The following MAP4K5 variants were observed in gnomAD, a reference collection of about 807,000 sequenced individuals.
The protein encoded by MAP4K5 is mitogen-activated protein kinase kinase kinase kinase 5.
Under a neutral mutation model 135.6 loss-of-function variants are expected in MAP4K5, and 82 were observed. The ratio of observed to expected loss-of-function variants is 0.60; its 90% CI spans 0.51 to 0.73. MAP4K5 has a LOEUF of 0.73. Ranked by LOEUF, MAP4K5 falls within the 30% of genes least tolerant of loss-of-function variation. The pLI is 0.00. For missense variants in MAP4K5, 907 were observed against 1,010.9 expected (o/e 0.90, Z 1.39); for synonymous variants, 347 against 335.0 (o/e 1.04, Z -0.39).
chr14:50,531,481 A>T (rs11846136), intron 2 of MAP4K5, among the ~76,000 whole-genome samples: 129,406 of 152,206 alleles, frequency 0.85, 56,618 homozygotes, highest in Non-Finnish European at 0.94. Flanking sequence ...GCTTACAGTT[A>T]AAGCTCAGAG....
rs1595455535 is a variant in MAP4K5, at chr14:50,452,228, G to A, written c.1016-3396C>T. On this transcript the variant is annotated intron_variant, in intron 14 of 32. Transcript: ENST00000682126. ...AGGATGTAACCCCATCATAAATCGG[G>A]GAGCATCTGTACCTCTCACTCAAAA... Among the ~76,000 whole-genome samples, 3 of 152,056 alleles carry A rather than the reference G, an allele frequency of 2.0e-5. No homozygotes were observed. The East Asian group carries it at 5.8e-4, about 29-fold the overall frequency.
At chr14:50,462,241 G>A (rs2036727400) in intron 13 of MAP4K5, among the ~76,000 whole-genome samples, 1 of 152,178 alleles carries the variant, frequency 6.6e-6, no homozygotes, top group Non-Finnish European at 1.5e-5. Context: ...CTTGGAAACA[G>A]ATGTTCTTTA....
At chr14:50,529,369 A>G (rs1165176995) in intron 2 of MAP4K5, among the ~76,000 whole-genome samples, 1 of 152,200 alleles carries the variant, frequency 6.6e-6, no homozygotes, top group African/African-American at 2.4e-5. Context: ...CCTGGGGGAC[A>G]GAGCGACATC....
chr14:50,514,499 G>A (rs12050306), intron 2 of MAP4K5, among the ~76,000 whole-genome samples: 7,445 of 152,250 alleles, frequency 0.049, 276 homozygotes, highest in Admixed American at 0.13. Context: ...CCTGTCTTCC[G>A]AAAACTTTTA....
At chr14:50,481,298 A>C (rs1319234126) in intron 6 of MAP4K5, among the ~76,000 whole-genome samples, 8 of 149,752 alleles carry the variant, frequency 5.3e-5, no homozygotes, top group East Asian at 1.9e-4. Context: ...ATCTCTATAT[A>C]TATATATAAA....
rs545968906 is a variant in MAP4K5 at position 50,490,647 on chromosome 14, AT to A, written c.167-4454del. On this transcript the variant is annotated intron_variant, in intron 3 of 32. Coordinates refer to ENST00000682126, the MANE Select transcript of MAP4K5 (RefSeq NM_006575.6). ...AGGCACACTGCAACTCTAAACTACA[AT>A]TTTTAACTGGAGTGGGCAGCCAACC... 3.3e-5 allele frequency among the ~76,000 whole-genome samples: 5 copies of A among 152,230 alleles called. No homozygotes were observed. In the South Asian group the frequency reaches 1.0e-3, roughly 32 times the overall value.
intron 20 of MAP4K5, among the ~76,000 whole-genome samples, chr14:50,443,409 A>C (rs1383888773): frequency 1.3e-5 from 2 of 152,128 alleles, no homozygotes; most frequent in Non-Finnish European, 2.9e-5. Context: ...CCAATGTGAA[A>C]ATCACTTTAG....
intron 13 of MAP4K5, among the ~76,000 whole-genome samples, chr14:50,461,953 TATA>T (rs1197350677): frequency 6.6e-6 from 1 of 151,926 alleles, no homozygotes; most frequent in African/African-American, 2.4e-5. Context: ...AAAATAATTC[TATA>T]ATGTTTTCAG....
chr14:50,487,504 A>G (rs1000546714), intron 3 of MAP4K5, among the ~76,000 whole-genome samples: 2 of 152,198 alleles, frequency 1.3e-5, no homozygotes, highest in Non-Finnish European at 2.9e-5. Context: ...AACTGAATGA[A>G]CGTCTGAGAG....
At chr14:50,493,876 T>A (rs1000118356) in intron 3 of MAP4K5, among the ~76,000 whole-genome samples, 3 of 151,668 alleles carry the variant, frequency 2.0e-5, no homozygotes, top group East Asian at 3.9e-4. Flanking sequence ...TACTCCCAGC[T>A]GCTTGGGAGG....
intron 13 of MAP4K5, among the ~76,000 whole-genome samples, chr14:50,457,148 T>G (rs1158986471): frequency 6.6e-6 from 1 of 152,032 alleles, no homozygotes; most frequent in African/African-American, 2.4e-5. Context: ...CAGTGAAGAT[T>G]AGGTGATGAG....
At chr14:50,547,001 C>T (rs1343894149) in intron 1 of MAP4K5, among the ~76,000 whole-genome samples, 1 of 152,096 alleles carries the variant, frequency 6.6e-6, no homozygotes, top group African/African-American at 2.4e-5. Flanking sequence ...CCCCACCCCC[C>T]AACAGGCCCT....
At chr14:50,442,963 A>T in intron 20 of MAP4K5, 147 bp from the exon 21 acceptor site, 2 of 562,990 alleles carry the variant, frequency 3.6e-6, no homozygotes, top group South Asian at 2.6e-5. Context: ...ATATTTTCAC[A>T]TCATTAAACC....
chr14:50,537,461 T>C (rs1182751721), upstream of MAP4K5, among the ~76,000 whole-genome samples: 1 of 152,210 alleles, frequency 6.6e-6, no homozygotes, highest in Non-Finnish European at 1.5e-5. Flanking sequence ...GAGTTCCTAC[T>C]GAGGTACTGC....
intron 3 of MAP4K5, among the ~76,000 whole-genome samples, chr14:50,497,539 T>C (rs2037620368): frequency 6.6e-6 from 1 of 152,200 alleles, no homozygotes; most frequent in African/African-American, 2.4e-5. Flanking sequence ...CAGCCTACCC[T>C]GGGATTTCTT....
At chr14:50,481,501 A>C (rs778319697) in intron 6 of MAP4K5, among the ~76,000 whole-genome samples, 7 of 152,120 alleles carry the variant, frequency 4.6e-5, no homozygotes, top group East Asian at 1.9e-4. Flanking sequence ...TTGAAACTAC[A>C]CAATATAGGA....
intron 4 of MAP4K5, 180 bp downstream of exon 4, chr14:50,485,924 G>T: frequency 1.9e-6 from 1 of 535,646 alleles, no homozygotes; most frequent in Non-Finnish European, 3.3e-6. Flanking sequence ...TATAAAAATG[G>T]GAGTACCATT....
In MAP4K5 at chr14:50,425,889, TAA is replaced by T; in HGVS notation, c.2397+16_2397+17del. The T allele has an allele frequency of 1.9e-6, 3 of 1,586,268 alleles. No homozygotes were observed. The highest frequency in any genetic ancestry group is 1.7e-6 in the Non-Finnish European group (2 of 1,158,270). On this transcript the variant is annotated intron_variant, in intron 31 of 32. Transcript: ENST00000682126. ...AATTGTTAGTGGGAGTCAGTGGAGG[TAA>T]TCTGAGAAGGCTTACCTCATCTGAC...
In MAP4K5 at chr14:50,448,801, T is replaced by A. The variant is rs1203088539; in HGVS notation, c.1047A>T (p.Arg349Ser). The change falls in exon 15 of 33, where the codon AGA (arginine) becomes AGT (serine). Residue 349 changes from arginine (R) to serine (S), a missense_variant. Physicochemically the swap from Arg to Ser is moderately radical, Grantham distance 110 (BLOSUM62 -1). Around this residue, in one of 3 missense-constraint regions of MAP4K5, gnomAD observed 690 missense variants for 777.4 expected, o/e 0.89. Coordinates refer to ENST00000682126, the MANE Select transcript of MAP4K5 (RefSeq NM_006575.6). ...TTTCATCTCGTGCTTCTGTTTCTTT[T>A]CTCAGAGGAGGTTCAAATTGTAATT... Reference protein sequence around the residue: ...FDKLQFEPPLRKETEARDEMG... With the variant: ...FDKLQFEPPLSKETEARDEMG... 1 of 1,569,054 alleles carries A rather than the reference T, an allele frequency of 6.4e-7. No individual in the cohort carries two copies. The highest frequency in any genetic ancestry group is 1.2e-5 in the South Asian group (1 of 85,294).
Sources: gnomAD v4.1 joint callset for allele counts (sites outside exome capture counted in the v4.1 genomes callset) on GRCh38, gnomAD v4.1.1 for gene constraint, gnomAD v4.1.1 regional missense constraint, MANE v1.5 for transcripts, NCBI Gene and HGNC (gene_info 2026-07-23, HGNC 2026-07-21) for gene names.